The following FTO variants were observed in gnomAD, a reference collection of about 807,000 sequenced individuals.
The protein encoded by FTO is alpha-ketoglutarate-dependent dioxygenase FTO.
In FTO, 47 loss-of-function variants were observed where a neutral mutation model predicts 63.9. That is an observed-to-expected ratio of 0.74 (90% CI 0.58 to 0.94). FTO has a LOEUF of 0.94. Ranked by LOEUF, FTO falls within the 40% of genes least tolerant of loss-of-function variation. FTO has a pLI of 0.00. For missense variants in FTO, 562 were observed against 618.1 expected (o/e 0.91, Z 0.96); for synonymous variants, 207 against 224.4 (o/e 0.92, Z 0.69).
chr16:53,998,749 T>C (rs1302373869), intron 8 of FTO: 2 of 152,218 alleles, frequency 1.3e-5, no homozygotes, highest in African/African-American at 4.8e-5. Context: ...AGACATCACA[T>C]CTGCCCTCAC....
intron 7 of FTO, among the ~76,000 whole-genome samples, chr16:53,908,942 A>G (rs2081610550): frequency 6.6e-6 from 1 of 152,142 alleles, no homozygotes. Context: ...ACATGTCTTG[A>G]GCATGAGGGA....
intron 8 of FTO, chr16:53,937,988 C>T (rs2082430663): frequency 6.6e-6 from 1 of 152,188 alleles, no homozygotes; most frequent in Non-Finnish European, 1.5e-5. Context: ...CATAGTTTAG[C>T]TTCAGGAACG....
chr16:53,845,558 A>C (rs55986455), intron 4 of FTO, among the ~76,000 whole-genome samples: 56,332 of 152,080 alleles, frequency 0.37, 10,566 homozygotes, highest in South Asian at 0.45. Context: ...TTAATCTTTC[A>C]CTGAATTGAA....
chr16:53,899,708 A>T (rs1352042118), intron 7 of FTO, among the ~76,000 whole-genome samples: 2 of 152,166 alleles, frequency 1.3e-5, no homozygotes, highest in Non-Finnish European at 2.9e-5. Context: ...ACAGCTTGGA[A>T]CCAAGAAATG....
At chr16:53,786,901 A>G (rs9937709) in intron 1 of FTO, among the ~76,000 whole-genome samples, 66,499 of 151,428 alleles carry the variant, frequency 0.44, 15,027 homozygotes, top group African/African-American at 0.53. Context: ...CATGAGGTCA[A>G]TAGATCGAAA....
At chr16:53,912,929 G>T (rs148952540) in intron 7 of FTO, among the ~76,000 whole-genome samples, 17 of 152,312 alleles carry the variant, frequency 1.1e-4, no homozygotes, top group African/African-American at 4.1e-4. Flanking sequence ...GTGGAAATAC[G>T]AAGAGTTCCT....
At chr16:53,766,486 GTGCTGGGATTAC>G (rs1177850333) in intron 1 of FTO, among the ~76,000 whole-genome samples, 1 of 152,174 alleles carries the variant, frequency 6.6e-6, no homozygotes, top group Non-Finnish European at 1.5e-5. Flanking sequence ...GTGCTCCAAA[GTGCTGGGATTAC>G]AGGTGTGAGC....
chr16:53,810,345 T>C, intron 2 of FTO, 128 bp downstream of exon 2: 1 of 702,800 alleles, frequency 1.4e-6, no homozygotes, highest in Non-Finnish European at 2.6e-6. Context: ...ACCCATGACT[T>C]CTCATGGCCT....
At chr16:54,084,566 G>C (rs1481222912) in intron 8 of FTO, among the ~76,000 whole-genome samples, 3 of 152,190 alleles carry the variant, frequency 2.0e-5, no homozygotes, top group African/African-American at 7.2e-5. Context: ...TTCATCTTCA[G>C]TGATGAAATC....
rs1326310660 is a variant in FTO, at chr16:54,118,821, G to C, written c.*6906G>C. 1 of 152,160 alleles carries C rather than the reference G, an allele frequency of 6.6e-6. No individual in the cohort carries two copies. Among genetic ancestry groups the C allele is most frequent in the African/African-American group, 2.4e-5 (1 of 41,432 alleles). 9.4% of individuals were successfully genotyped at this position (152,160 alleles called of 1,614,324 possible). A position where few individuals can be genotyped will look rare whatever the true frequency, so the allele number is the denominator to read the frequency against. ...CATCCACACAGGTAAAACCACGACT[G>C]TGCAGCTAGCAGGTGGAGATAACAT... is the stretch of plus-strand genomic sequence containing the variant. On this transcript the variant is annotated 3_prime_UTR_variant, in exon 9 of 9. Transcript: ENST00000471389.
chr16:54,025,989 G>A (rs747908232), intron 8 of FTO, among the ~76,000 whole-genome samples: 31 of 151,686 alleles, frequency 2.0e-4, no homozygotes, highest in Non-Finnish European at 4.1e-4. Context: ...CTCAACCTGG[G>A]CAACAGAGCA....
intron 4 of FTO, among the ~76,000 whole-genome samples, chr16:53,870,360 T>G: frequency 6.6e-6 from 1 of 152,200 alleles, no homozygotes; most frequent in East Asian, 1.9e-4. Flanking sequence ...TTCCCTAAGA[T>G]GGAGCTCCCC....
intron 1 of FTO, among the ~76,000 whole-genome samples, chr16:53,792,493 C>A (rs993915094): frequency 6.6e-6 from 1 of 152,214 alleles, no homozygotes; most frequent in Non-Finnish European, 1.5e-5. Context: ...TTTACTGCAA[C>A]ACCGTGTGCA....
At chr16:53,763,639 A>G (rs2151610152) in intron 1 of FTO, among the ~76,000 whole-genome samples, 1 of 152,332 alleles carries the variant, frequency 6.6e-6, no homozygotes, top group East Asian at 1.9e-4. Context: ...TAAATTGGCA[A>G]GTTTCTGTCA....
chr16:53,852,544 G>T (rs529411754), intron 4 of FTO, among the ~76,000 whole-genome samples: 2 of 152,182 alleles, frequency 1.3e-5, no homozygotes, highest in South Asian at 2.1e-4. Flanking sequence ...AGACAAGCAC[G>T]CTTATAAGTT....
chr16:53,845,443 C>G (rs2079592835), intron 4 of FTO, among the ~76,000 whole-genome samples: 1 of 152,212 alleles, frequency 6.6e-6, no homozygotes, highest in Non-Finnish European at 1.5e-5. Flanking sequence ...CAGAATAGCT[C>G]TTTAGGCCAT....
chr16:53,950,155 T>TAAAAAAAAA lies in FTO; in HGVS notation c.1364+16062_1364+16070dup, dbSNP rs57925273. On this transcript the variant is annotated intron_variant, in intron 8 of 8. Coordinates refer to ENST00000471389, the MANE Select transcript of FTO (RefSeq NM_001080432.3). ...GGAAAAAAAAAGATATTCACATTTG[T>TAAAAAAAAA]AAAAAAAAAAAAAAAAAAAAAAAAC... is the stretch of plus-strand genomic sequence containing the variant. 3.4e-3 allele frequency among the ~76,000 whole-genome samples: 170 copies of TAAAAAAAAA among 50,578 alleles called. 4 individuals are homozygous for TAAAAAAAAA. The highest frequency in any genetic ancestry group is 0.012 in the East Asian group (25 of 2,024). The allele number at this position is 50,578 out of a possible 152,430, so 33.2% of individuals were successfully genotyped here. A position where few individuals can be genotyped will look rare whatever the true frequency, so the allele number is the denominator to read the frequency against.
intron 1 of FTO, among the ~76,000 whole-genome samples, chr16:53,762,343 T>C (rs1329827795): frequency 6.6e-6 from 1 of 151,728 alleles, no homozygotes. Flanking sequence ...TAGTCCCACA[T>C]ATTCTGTAGT....
intron 4 of FTO, among the ~76,000 whole-genome samples, chr16:53,852,796 C>G (rs1030885333): frequency 6.6e-6 from 1 of 152,256 alleles, no homozygotes; most frequent in African/African-American, 2.4e-5. Context: ...CATAGTTTCC[C>G]TCTCCCCCTG....
Sources: allele counts gnomAD v4.1 joint callset (sites outside exome capture counted in the v4.1 genomes callset), GRCh38; gene constraint gnomAD v4.1.1; transcripts MANE v1.5; gene names NCBI Gene and HGNC (gene_info 2026-07-23, HGNC 2026-07-21).